The following DGKI variants were observed in gnomAD, a reference collection of about 807,000 sequenced individuals.
The protein encoded by DGKI is DAG kinase iota.
Under a neutral mutation model 147.5 loss-of-function variants are expected in DGKI, and 55 were observed. The observed-to-expected ratio is 0.37, with a 90% CI of 0.30 to 0.47. The LOEUF is 0.47. DGKI is among the 20% of genes least tolerant of loss of function. DGKI has a pLI of 1.00. For synonymous variants in DGKI, 469 were observed against 477.1 expected (o/e 0.98, Z 0.22); for missense variants, 1,007 against 1,323.8 (o/e 0.76, Z 3.71).
chr7:137,582,038 T>C (rs1585253438), intron 14 of DGKI, 110 bp from the exon 15 acceptor site: 1 of 731,236 alleles, frequency 1.4e-6, no homozygotes, highest in Non-Finnish European at 2.3e-6. Flanking sequence ...AGGAGACAGA[T>C]CAGCCACAAC....
At position 137,388,716 on chromosome 7, in the gene DGKI, T is replaced by G. The variant is rs1466644653; in HGVS notation, c.*2504A>C. The stretch of plus-strand genomic sequence containing the variant: ...ATGTGGTTATTCTGCTCACTTTATT[T>G]TGGAAATCCCAAGTCCTAGTGGTAC... On this transcript the variant is annotated 3_prime_UTR_variant, in exon 33 of 33. Transcript: ENST00000614521. 1 of 152,160 alleles carries G rather than the reference T, an allele frequency of 6.6e-6. No individual in the cohort carries two copies. Among genetic ancestry groups the G allele is most frequent in the Non-Finnish European group, 1.5e-5 (1 of 68,038 alleles). The allele number at this position is 152,160 out of a possible 1,614,324, so 9.4% of individuals were successfully genotyped here.
chr7:137,704,030 T>C (rs1358126146), intron 1 of DGKI, among the ~76,000 whole-genome samples: 2 of 151,890 alleles, frequency 1.3e-5, no homozygotes, highest in Non-Finnish European at 2.9e-5. Context: ...GGCCAACATG[T>C]TGAAACCCCG....
At chr7:137,769,203 G>C (rs539361405) in intron 1 of DGKI, among the ~76,000 whole-genome samples, 1 of 152,176 alleles carries the variant, frequency 6.6e-6, no homozygotes, top group South Asian at 2.1e-4. Flanking sequence ...AAGCCGAGAC[G>C]TGTTAGACCC....
At chr7:137,421,416 T>C (rs946643288) in intron 28 of DGKI, among the ~76,000 whole-genome samples, 8 of 152,258 alleles carry the variant, frequency 5.3e-5, no homozygotes, top group African/African-American at 1.9e-4. Flanking sequence ...ATATATTGGT[T>C]CTTTCCATCT....
intron 7 of DGKI, 70 bp from the exon 8 acceptor site, chr7:137,620,010 T>C: frequency 1.2e-6 from 1 of 845,732 alleles, no homozygotes; most frequent in Non-Finnish European, 1.9e-6. Flanking sequence ...GGGATAAATA[T>C]GTACACACGC....
intron 1 of DGKI, among the ~76,000 whole-genome samples, chr7:137,784,302 A>G (rs752370110): frequency 1.4e-4 from 22 of 152,222 alleles, no homozygotes; most frequent in Non-Finnish European, 2.9e-4. Context: ...ACTGGACACT[A>G]AAATCCAGCA....
chr7:137,439,728 G>A (rs1211101739), intron 28 of DGKI, among the ~76,000 whole-genome samples: 1 of 152,172 alleles, frequency 6.6e-6, no homozygotes, highest in Non-Finnish European at 1.5e-5. Context: ...TTGTGGTTGT[G>A]ACAATTTTAT....
In DGKI at chr7:137,537,280, GT is replaced by G. The variant is rs748551502; in HGVS notation, c.2147+15088del. On this transcript the variant is annotated intron_variant, in intron 20 of 32. Transcript: ENST00000614521. ...GAGAGCAAATAGCTTTGCTTTCCAG[GT>G]AGCCTGAAGCTAACTCTTACACTTC... Among the ~76,000 whole-genome samples, 124 of 152,242 alleles carry G rather than the reference GT, an allele frequency of 8.1e-4. 2 individuals carry two copies. The Middle Eastern group carries it at 0.02, about 25-fold the overall frequency.
intron 1 of DGKI, among the ~76,000 whole-genome samples, chr7:137,788,665 TAC>T (rs1324719203): frequency 3.1e-5 from 2 of 63,496 alleles, no homozygotes; most frequent in African/African-American, 6.1e-5. Flanking sequence ...CACACACACA[TAC>T]ACACACACAC....
At chr7:137,570,188 T>C (rs1818745289) in intron 19 of DGKI, among the ~76,000 whole-genome samples, 1 of 152,200 alleles carries the variant, frequency 6.6e-6, no homozygotes, top group Non-Finnish European at 1.5e-5. Flanking sequence ...GCTTTGTTTT[T>C]ATTTGCATTA....
At chr7:137,806,568 G>T (rs568221634) in intron 1 of DGKI, among the ~76,000 whole-genome samples, 1 of 152,054 alleles carries the variant, frequency 6.6e-6, no homozygotes, top group Non-Finnish European at 1.5e-5. Flanking sequence ...TGAGTACCTG[G>T]GAGTACAGGC....
chr7:137,469,007 T>C (rs111513398), intron 24 of DGKI, among the ~76,000 whole-genome samples: 118 of 152,244 alleles, frequency 7.8e-4, no homozygotes, highest in African/African-American at 2.0e-3. Context: ...AGAGAGATAC[T>C]TGAGATAAAA....
At position 137,846,159 on chromosome 7, in the gene DGKI, TCTCACACACACA is replaced by T. The variant is rs1479294349; in HGVS notation, c.401+291_401+302del. On this transcript the variant is annotated intron_variant, in intron 1 of 32. Transcript: ENST00000614521. This position sits in a 1 kb window ranked among gnomAD's most constrained non-coding sequence, Gnocchi z 4.0. ...TTCTCTCTCTCTCTCTCTCTCTCTC[TCTCACACACACA>T]CACACACACACACACACACACACAC... Among the ~76,000 whole-genome samples the T allele has an allele frequency of 1.1e-4, 14 of 130,132 alleles. No homozygotes were observed. Among genetic ancestry groups the T allele is most frequent in the African/African-American group, 4.0e-4 (13 of 32,354 alleles). 85.4% of individuals were successfully genotyped at this position (130,132 alleles called of 152,430 possible).
intron 3 of DGKI, among the ~76,000 whole-genome samples, chr7:137,664,677 T>C (rs1822572023): frequency 6.6e-6 from 1 of 152,070 alleles, no homozygotes; most frequent in Admixed American, 6.5e-5. Flanking sequence ...TTGGGAACAG[T>C]TGCAGGAGTG....
intron 21 of DGKI, 53 bp from the exon 22 acceptor site, chr7:137,487,742 A>G: frequency 1.3e-6 from 2 of 1,495,138 alleles, no homozygotes; most frequent in Non-Finnish European, 1.9e-6. Context: ...ATTTTTCTAT[A>G]TCAGCATAAA....
intron 20 of DGKI, among the ~76,000 whole-genome samples, chr7:137,544,823 A>G (rs1817814788): frequency 1.3e-5 from 2 of 152,184 alleles, no homozygotes; most frequent in African/African-American, 4.8e-5. Context: ...CTACTGTGTA[A>G]AATACACAGA....
At chr7:137,576,880 G>A (rs1419845268) in intron 17 of DGKI, among the ~76,000 whole-genome samples, 1 of 151,988 alleles carries the variant, frequency 6.6e-6, no homozygotes, top group African/African-American at 2.4e-5. Flanking sequence ...AGGTCTTCCT[G>A]ACCCCACCAT....
Position 137,575,836 on chromosome 7 carries a change from G to A in DGKI, c.1761+1386C>T, listed in dbSNP as rs765220607. ...GATGCCAAGTGTTGCTAATAGCAGCGGTAAAGGCCTTTGTCTCTTGTTTCA... is the reference window on the plus strand; with the variant it reads ...GATGCCAAGTGTTGCTAATAGCAGCAGTAAAGGCCTTTGTCTCTTGTTTCA... On this transcript the variant is annotated intron_variant, in intron 17 of 32. Coordinates refer to ENST00000614521, the MANE Select transcript of DGKI (RefSeq NM_001321708.2). Among the ~76,000 whole-genome samples, 3 of 151,590 alleles carry A rather than the reference G, an allele frequency of 2.0e-5. No homozygotes were observed. In the South Asian group the frequency reaches 6.2e-4, roughly 31 times the overall value.
At chr7:137,576,720 C>T (rs931852602) in intron 17 of DGKI, among the ~76,000 whole-genome samples, 4 of 152,108 alleles carry the variant, frequency 2.6e-5, no homozygotes, top group African/African-American at 9.7e-5. Flanking sequence ...GAGAGTGAGT[C>T]ACCACAAAAT....
Sources: gnomAD v4.1 joint callset for allele counts (sites outside exome capture counted in the v4.1 genomes callset) on GRCh38, gnomAD v4.1.1 for gene constraint, Gnocchi (gnomAD v3.1) non-coding constraint, MANE v1.5 for transcripts, NCBI Gene and HGNC (gene_info 2026-07-23, HGNC 2026-07-21) for gene names.